Variants in PLK1 observed in about 807,000 individuals in gnomAD.
PLK1 encodes polo like kinase 1, also known as serine/threonine-protein kinase PLK1.
In PLK1, 6 loss-of-function variants were observed where a neutral mutation model predicts 56.7. That is an observed-to-expected ratio of 0.11 (90% CI 0.06 to 0.21). The LOEUF (loss-of-function observed/expected upper bound fraction) is 0.21, where lower values mean the gene tolerates loss of function less well. Ranked by LOEUF, PLK1 falls within the 10% of genes least tolerant of loss-of-function variation. PLK1 has a pLI of 1.00. For missense variants in PLK1, 546 were observed against 814.4 expected (o/e 0.67, Z 4.01); for synonymous variants, 298 against 325.0 (o/e 0.92, Z 0.89).
In PLK1 at chr16:23,684,062, C is replaced by A. The variant is rs150139246; in HGVS notation, c.1009C>A (p.Arg337=). ...TCCCAGCAGCCTGGACCCCAGCAAC[C>A]GGAAGCCCCTCACAGTCCTCAATAA... ...IAPSSLDPSN[R]KPLTVLNKGL... is the part of the protein sequence containing the mutation. The change falls in exon 5 of 10, where the codon CGG becomes AGG. Residue 337 remains arginine (R), a synonymous_variant. Coordinates refer to ENST00000300093, the MANE Select transcript of PLK1 (RefSeq NM_005030.6). The A allele has an allele frequency of 2.2e-4, 351 of 1,613,954 alleles. No individual in the cohort carries two copies. Among genetic ancestry groups the A allele is most frequent in the Non-Finnish European group, 2.8e-4 (333 of 1,179,950 alleles).
rs769775881 is a variant in PLK1 at position 23,680,808 on chromosome 16, G to A, written c.578-106G>A. 74 of 1,070,012 alleles carry A rather than the reference G, an allele frequency of 6.9e-5. No homozygotes were observed. In the Middle Eastern group the frequency reaches 7.6e-4, roughly 11 times the overall value. 66.3% of individuals were successfully genotyped at this position (1,070,012 alleles called of 1,614,324 possible). ...ACATACAAGGAGCAGAGGCTTGTGG[G>A]ATCAGATGGCCCTGGTTCTGGATGG... On this transcript the variant is annotated intron_variant, in intron 2 of 9. Transcript: ENST00000300093.
Position 23,682,133 on chromosome 16 carries a change from G to A in PLK1, c.792G>A (p.Lys264=), listed in dbSNP as rs1959341212. ...TAAAAGAGACCTACCTCCGGATCAA[G>A]AAGAATGAATACAGTATTCCCAAGG... ...SCLKETYLRI[K]KNEYSIPKHI... is the part of the protein sequence containing the mutation. The change falls in exon 4 of 10, where the codon AAG becomes AAA. Residue 264 remains lysine (K), a synonymous_variant. Transcript: ENST00000300093. The A allele has an allele frequency of 1.3e-6, 2 of 1,590,490 alleles. No homozygotes were observed. Among genetic ancestry groups the A allele is most frequent in the African/African-American group, 2.7e-5 (2 of 74,462 alleles).
At chr16:23,683,659 C>T (rs1424852020) in intron 4 of PLK1, among the ~76,000 whole-genome samples, 3 of 152,100 alleles carry the variant, frequency 2.0e-5, no homozygotes, top group African/African-American at 7.2e-5. Context: ...AGTTGGTGTT[C>T]GGCCACAGTC....
chr16:23,686,404 T>C (rs896417876), intron 5 of PLK1, among the ~76,000 whole-genome samples: 1 of 152,368 alleles, frequency 6.6e-6, no homozygotes, highest in African/African-American at 2.4e-5. Context: ...TCATCTATTT[T>C]TACTAGTTAT....
intron 2 of PLK1, 80 bp from the exon 3 acceptor site, chr16:23,680,834 T>G (rs1597134128): frequency 7.0e-7 from 1 of 1,421,122 alleles, no homozygotes. Flanking sequence ...TTCTGGATGG[T>G]CAAACCTTAA....
Position 23,684,050 on chromosome 16 carries a change from G to A in PLK1, c.997G>A (p.Asp333Asn), listed in dbSNP as rs1260771202. The stretch of plus-strand genomic sequence containing the variant: ...GTTTTCGATTGCTCCCAGCAGCCTG[G>A]ACCCCAGCAACCGGAAGCCCCTCAC... ...PRFSIAPSSL[D>N]PSNRKPLTVL... Residue 333 changes from aspartate (D) to asparagine (N), a missense_variant, in exon 5 of 10, where the codon GAC becomes AAC. Transcript: ENST00000300093. 3 of 1,614,034 alleles carry A rather than the reference G, an allele frequency of 1.9e-6. No individual in the cohort carries two copies. In the African/African-American group the frequency reaches 4.0e-5, roughly 22 times the overall value.
chr16:23,679,195 T>A lies in PLK1; in HGVS notation c.263T>A (p.Leu88Gln). The stretch of plus-strand genomic sequence containing the variant: ...GCGGGCAAGATTGTGCCTAAGTCTC[T>A]GCTGCTCAAGCCGCACCAGAGGGAG... The part of the protein sequence containing the change: ...VFAGKIVPKS[L>Q]LLKPHQREKM... Residue 88 changes from leucine to glutamine, a missense_variant, in exon 1 of 10, where the codon CTG becomes CAG. Leu to Gln is a moderately radical substitution (Grantham distance 113, BLOSUM62 -2). Around this residue, in one of 7 missense-constraint regions of PLK1, gnomAD observed 111 missense variants for 211.8 expected, o/e 0.52. Coordinates refer to ENST00000300093, the MANE Select transcript of PLK1 (RefSeq NM_005030.6). 6.2e-7 allele frequency: 1 copy of A among 1,614,086 alleles called. No homozygotes were observed. Among genetic ancestry groups the A allele is most frequent in the Non-Finnish European group, 8.5e-7 (1 of 1,180,026 alleles).
At chr16:23,685,545 A>G (rs960732955) in intron 5 of PLK1, among the ~76,000 whole-genome samples, 15 of 152,020 alleles carry the variant, frequency 9.9e-5, no homozygotes, top group African/African-American at 3.6e-4. Flanking sequence ...TGTCTCTACT[A>G]AAAATACAAA....
Position 23,689,986 on chromosome 16 carries a change from C to T in PLK1, c.1735C>T (p.Arg579Trp), listed in dbSNP as rs765463407. 4 of 1,613,840 alleles carry T rather than the reference C, an allele frequency of 2.5e-6. No individual in the cohort carries two copies. The highest frequency in any genetic ancestry group is 3.4e-6 in the Non-Finnish European group (4 of 1,180,006). Reference protein sequence around the residue: ...EYGCCKELASRLRYARTMVDK... With the variant: ...EYGCCKELASWLRYARTMVDK... Reference sequence around the variant, plus strand: ...CGGCTGCTGCAAGGAGCTGGCCAGCCGGCTCCGCTACGCCCGCACTATGGT... The same window carrying T: ...CGGCTGCTGCAAGGAGCTGGCCAGCTGGCTCCGCTACGCCCGCACTATGGT... Residue 579 changes from arginine (R) to tryptophan (W), a missense_variant, in exon 10 of 10, where the codon CGG becomes TGG. Transcript: ENST00000300093. The surrounding 1 kb of genome is among the most constrained non-coding windows in gnomAD (Gnocchi z 4.8).
rs1489046989 is a variant in PLK1 at position 23,679,251 on chromosome 16, A to C, written c.319A>C (p.Ser107Arg). The C allele has an allele frequency of 3.1e-6, 5 of 1,614,010 alleles. No homozygotes were observed. The highest frequency in any genetic ancestry group is 3.3e-5 in the Admixed American group (2 of 60,000). The change falls in exon 1 of 10, where the codon AGC becomes CGC. Residue 107 changes from serine to arginine, a missense_variant. Physicochemically the swap from Ser to Arg is moderately radical, Grantham distance 110. Transcript: ENST00000300093. ...GTCCATGGAAATATCCATTCACCGC[A>C]GCCTCGCCCACCAGCACGTCGTAGG... ...KMSMEISIHR[S>R]LAHQHVVGFH...
intron 2 of PLK1, 96 bp downstream of exon 2, chr16:23,680,348 G>C (rs986178096): frequency 3.8e-5 from 37 of 976,826 alleles, no homozygotes; most frequent in Non-Finnish European, 5.3e-5. Context: ...CCACAAGTCA[G>C]TATCTTGCCT....
At chr16:23,680,631 C>G (rs1241124524) in intron 2 of PLK1, among the ~76,000 whole-genome samples, 4 of 152,186 alleles carry the variant, frequency 2.6e-5, no homozygotes, top group Non-Finnish European at 5.9e-5. Flanking sequence ...TGGAGGTTAA[C>G]TTGCTTGATC....
At chr16:23,682,180 TA>T (rs1959342037) in intron 4 of PLK1, 23 bp downstream of exon 4, 1 of 1,293,344 alleles carries the variant, frequency 7.7e-7, no homozygotes, top group Non-Finnish European at 1.1e-6. Context: ...GCTTTAAGTT[TA>T]CATTTATTTT....
intron 5 of PLK1, among the ~76,000 whole-genome samples, chr16:23,685,944 G>A (rs1335419404): frequency 1.8e-4 from 28 of 152,018 alleles, no homozygotes; most frequent in Admixed American, 1.2e-3. Flanking sequence ...CCTTCTCTCC[G>A]ATTGATTTAT....
At chr16:23,679,433 G>C (rs756659396) in intron 1 of PLK1, 93 bp downstream of exon 1, 5 of 1,242,812 alleles carry the variant, frequency 4.0e-6, no homozygotes, top group Non-Finnish European at 4.5e-6. Flanking sequence ...GCAAGGGAGA[G>C]CCTGGGACTT....
At chr16:23,683,121 G>T (rs1393719462) in intron 4 of PLK1, among the ~76,000 whole-genome samples, 1 of 150,352 alleles carries the variant, frequency 6.7e-6, no homozygotes, top group African/African-American at 2.4e-5. Flanking sequence ...CTCCTGAGTA[G>T]CTGGAACTAC....
At chr16:23,682,537 T>A (rs1959348838) in intron 4 of PLK1, among the ~76,000 whole-genome samples, 1 of 151,694 alleles carries the variant, frequency 6.6e-6, no homozygotes, top group South Asian at 2.1e-4. Flanking sequence ...TTTTTTTTTT[T>A]TTTTTATTTG....
chr16:23,688,808 C>T (rs1867795520), intron 7 of PLK1, 63 bp downstream of exon 7: 1 of 1,149,956 alleles, frequency 8.7e-7, no homozygotes, highest in African/African-American at 1.5e-5. Flanking sequence ...TCAGTTGTTA[C>T]AGACTCTGGC....
At chr16:23,679,976 GGAGTCCA>G (rs1472347005) in intron 1 of PLK1, 101 bp from the exon 2 acceptor site, 1 of 708,498 alleles carries the variant, frequency 1.4e-6, no homozygotes. Context: ...TCATCCCTTG[GGAGTCCA>G]GAGTCCAGTC....
Sources: gnomAD v4.1 joint callset for allele counts (sites outside exome capture counted in the v4.1 genomes callset) on GRCh38, gnomAD v4.1.1 for gene constraint, gnomAD v4.1.1 regional missense constraint, Gnocchi (gnomAD v3.1) non-coding constraint, MANE v1.5 for transcripts, NCBI Gene and HGNC (gene_info 2026-07-23, HGNC 2026-07-21) for gene names.